Variants in DOCK3 observed in about 807,000 individuals in gnomAD.
DOCK3 encodes dedicator of cytokinesis 3, also known as dedicator of cytokinesis protein 3.
Under a neutral mutation model 265.6 loss-of-function variants are expected in DOCK3, and 60 were observed. The ratio of observed to expected loss-of-function variants is 0.23; its 90% CI spans 0.18 to 0.28. The LOEUF (loss-of-function observed/expected upper bound fraction) is 0.28. Ranked by LOEUF, DOCK3 falls within the 10% of genes least tolerant of loss-of-function variation. DOCK3 has a pLI of 1.00. For synonymous variants in DOCK3, 881 were observed against 938.0 expected (o/e 0.94, Z 1.11); for missense variants, 1,981 against 2,594.3 (o/e 0.76, Z 5.14).
chr3:50,792,131 T>G (rs912075205), intron 2 of DOCK3, among the ~76,000 whole-genome samples: 1 of 151,874 alleles, frequency 6.6e-6, no homozygotes, highest in African/African-American at 2.4e-5. Context: ...GATTTTTTTT[T>G]TTTTTGAGCA....
intron 5 of DOCK3, among the ~76,000 whole-genome samples, chr3:51,038,369 A>G (rs760268417): frequency 6.6e-6 from 1 of 152,216 alleles, no homozygotes; most frequent in African/African-American, 2.4e-5. Flanking sequence ...GTAGAAACCA[A>G]CTGTTCATAA....
At chr3:51,119,512 G>C (rs1476380910) in intron 9 of DOCK3, among the ~76,000 whole-genome samples, 1 of 152,072 alleles carries the variant, frequency 6.6e-6, no homozygotes, top group African/African-American at 2.4e-5. Context: ...ATGTTGACCT[G>C]TGTTGCTAGG....
At chr3:50,887,513 A>C (rs58612314) in intron 3 of DOCK3, among the ~76,000 whole-genome samples, 8,209 of 92,450 alleles carry the variant, frequency 0.089, 484 homozygotes, top group Non-Finnish European at 0.11. Flanking sequence ...AACTCATTTT[A>C]TGAGGCCAGC....
chr3:50,941,658 A>G (rs1575582170), intron 5 of DOCK3, among the ~76,000 whole-genome samples: 1 of 152,122 alleles, frequency 6.6e-6, no homozygotes, highest in Non-Finnish European at 1.5e-5. Flanking sequence ...ACTGGAAGCA[A>G]TCCAAATATC....
chr3:51,018,877 T>C (rs1301095353), intron 5 of DOCK3, among the ~76,000 whole-genome samples: 1 of 152,050 alleles, frequency 6.6e-6, no homozygotes, highest in East Asian at 1.9e-4. Context: ...TATTGATTTG[T>C]AGACATGTTT....
intron 3 of DOCK3, among the ~76,000 whole-genome samples, chr3:50,849,061 G>T (rs1035996257): frequency 6.6e-6 from 1 of 151,914 alleles, no homozygotes; most frequent in African/African-American, 2.4e-5. Context: ...TTGAGATGGG[G>T]TCTTGCTCTG....
chr3:51,371,335 G>A (rs2087661587), intron 49 of DOCK3, among the ~76,000 whole-genome samples: 1 of 152,180 alleles, frequency 6.6e-6, no homozygotes, highest in Non-Finnish European at 1.5e-5. Context: ...ACAGAACTGG[G>A]CCCAAAGAGA....
chr3:51,081,395 T>G (rs112416948), intron 7 of DOCK3, among the ~76,000 whole-genome samples: 105 of 152,244 alleles, frequency 6.9e-4, no homozygotes, highest in African/African-American at 2.5e-3. Context: ...CTTCTAAATG[T>G]GAATGACTTT....
intron 1 of DOCK3, among the ~76,000 whole-genome samples, chr3:50,748,932 C>G (rs952929741): frequency 2.6e-5 from 4 of 152,070 alleles, no homozygotes; most frequent in Admixed American, 2.0e-4. Context: ...GTTTAAAATG[C>G]CTTCTTATGT....
chr3:50,947,745 A>G (rs2076465248), intron 5 of DOCK3, among the ~76,000 whole-genome samples: 1 of 152,104 alleles, frequency 6.6e-6, no homozygotes, highest in African/African-American at 2.4e-5. Flanking sequence ...AATAGAGGAG[A>G]TATGTCATGC....
intron 5 of DOCK3, among the ~76,000 whole-genome samples, chr3:50,991,062 G>A (rs2078086231): frequency 6.6e-6 from 1 of 152,126 alleles, no homozygotes; most frequent in African/African-American, 2.4e-5. Flanking sequence ...CAAACATTGA[G>A]GGTATTCATT....
At chr3:51,349,469 C>T (rs565475156) in intron 39 of DOCK3, among the ~76,000 whole-genome samples, 4 of 152,312 alleles carry the variant, frequency 2.6e-5, no homozygotes, top group African/African-American at 9.6e-5. Context: ...AAAAAAGAGG[C>T]TAGCAGTCTC....
At chr3:50,966,502 C>CTTTT (rs531569343) in intron 5 of DOCK3, among the ~76,000 whole-genome samples, 1 of 114,940 alleles carries the variant, frequency 8.7e-6, no homozygotes, top group African/African-American at 3.2e-5. Flanking sequence ...TTTTTTCTTC[C>CTTTT]TTTTTTTTTT....
chr3:51,012,116 C>T (rs1262205831), intron 5 of DOCK3, among the ~76,000 whole-genome samples: 2 of 152,186 alleles, frequency 1.3e-5, no homozygotes, highest in African/African-American at 4.8e-5. Flanking sequence ...AGATCTCAAA[C>T]TCCATGCTGG....
Position 51,341,314 on chromosome 3 carries a change from C to G in DOCK3, c.3844C>G (p.Pro1282Ala). The G allele has an allele frequency of 2.1e-5, 34 of 1,613,400 alleles. No homozygotes were observed. Among genetic ancestry groups the G allele is most frequent in the Non-Finnish European group, 2.9e-5 (34 of 1,179,592 alleles). The change falls in exon 38 of 53, where the codon CCA becomes GCA. Residue 1282 changes from proline (P) to alanine (A), a missense_variant. Coordinates refer to ENST00000266037, the MANE Select transcript of DOCK3 (RefSeq NM_004947.5). Reference sequence around the variant, plus strand: ...GCCACTACGGGAATTCCTCCACTACCCATCGCAGACAGAGTGGCAGCGGAA... The same window carrying G: ...GCCACTACGGGAATTCCTCCACTACGCATCGCAGACAGAGTGGCAGCGGAA... ...DRPLREFLHY[P>A]SQTEWQRKEG... is the part of the protein sequence containing the mutation.
Position 51,260,183 on chromosome 3 carries a change from G to T in DOCK3, c.2212G>T (p.Val738Leu). ...CTTGGAGTACCTTTTCAAGTTCATT[G>T]TACAGTCACGGATCCTGTACTCACG... ...RALEYLFKFI[V>L]QSRILYSRAT... Residue 738 changes from valine (V) to leucine (L), a missense_variant, in exon 23 of 53, where the codon GTA becomes TTA. Physicochemically the swap from Val to Leu is conservative, Grantham distance 32 (BLOSUM62 1). Transcript: ENST00000266037. 1.2e-6 allele frequency: 2 copies of T among 1,613,096 alleles called. No homozygotes were observed. The highest frequency in any genetic ancestry group is 2.2e-5 in the East Asian group (1 of 44,814).
intron 46 of DOCK3, among the ~76,000 whole-genome samples, chr3:51,358,954 G>A (rs2086550839): frequency 6.6e-6 from 1 of 152,232 alleles, no homozygotes; most frequent in African/African-American, 2.4e-5. Context: ...CTGCTAAACA[G>A]GCTGGCTCCC....
intron 5 of DOCK3, among the ~76,000 whole-genome samples, chr3:50,995,848 C>T (rs573518705): frequency 1.3e-5 from 2 of 152,208 alleles, no homozygotes; most frequent in Admixed American, 6.5e-5. Context: ...CAACATGGTA[C>T]GTCAGTTTAT....
chr3:51,022,305 G>T (rs1195817141), intron 5 of DOCK3, among the ~76,000 whole-genome samples: 1 of 152,146 alleles, frequency 6.6e-6, no homozygotes, highest in African/African-American at 2.4e-5. Context: ...AATAATGACA[G>T]TTTAACATTT....
Sources: gnomAD v4.1 joint callset for allele counts (sites outside exome capture counted in the v4.1 genomes callset) on GRCh38, gnomAD v4.1.1 for gene constraint, MANE v1.5 for transcripts, NCBI Gene and HGNC (gene_info 2026-07-23, HGNC 2026-07-21) for gene names.